The following GALNT13 variants were observed in gnomAD, a reference collection of about 807,000 sequenced individuals.
GALNT13 encodes the protein UDP-GalNAc:polypeptide N-acetylgalactosaminyltransferase 13.
GALNT13 carries 28 observed loss-of-function variants against 64.2 expected under a neutral mutation model. The observed-to-expected ratio is 0.44, with a 90% CI of 0.32 to 0.60. GALNT13 has a LOEUF of 0.60. GALNT13 is among the 20% of genes least tolerant of loss of function. GALNT13 has a pLI of 0.05. For missense variants in GALNT13, 577 were observed against 669.8 expected, an observed-to-expected ratio of 0.86 and a Z score of 1.53; for synonymous variants, 214 against 224.6, an observed-to-expected ratio of 0.95 and a Z score of 0.42.
the GALNT13 span, among the ~76,000 whole-genome samples, chr2:153,315,069 G>C: frequency 6.6e-6 from 1 of 152,200 alleles, no homozygotes; most frequent in African/African-American, 2.4e-5. Flanking sequence ...GAAAAGTAGA[G>C]AGAATATATT....
chr2:153,980,049 T>C (rs1694355325), intron 3 of GALNT13, among the ~76,000 whole-genome samples: 1 of 152,150 alleles, frequency 6.6e-6, no homozygotes, highest in Non-Finnish European at 1.5e-5. Flanking sequence ...TGAATTACAA[T>C]TGTGATATAT....
intron 9 of GALNT13, among the ~76,000 whole-genome samples, chr2:154,340,061 A>T (rs1695673862): frequency 6.6e-6 from 1 of 152,194 alleles, no homozygotes; most frequent in South Asian, 2.1e-4. Flanking sequence ...GAATGGAAAG[A>T]ATCACAATGT....
chr2:153,467,223 G>A, the GALNT13 span, among the ~76,000 whole-genome samples: 19 of 151,880 alleles, frequency 1.3e-4, no homozygotes, highest in Non-Finnish European at 2.5e-4. Context: ...TCCAAGTAAG[G>A]GGCTATATAA....
the GALNT13 span, among the ~76,000 whole-genome samples, chr2:153,123,844 G>T: frequency 0.16 from 24,095 of 152,070 alleles, 2,038 homozygotes; most frequent in Middle Eastern, 0.22. Flanking sequence ...GTCTAAAATT[G>T]TTCTTAATGA....
At chr2:154,129,186 G>A (rs907062124) in intron 3 of GALNT13, among the ~76,000 whole-genome samples, 39 of 152,092 alleles carry the variant, frequency 2.6e-4, no homozygotes, top group African/African-American at 9.2e-4. Flanking sequence ...TATGGTTTTT[G>A]TATCCCCGCC....
At chr2:154,454,526 G>C (rs1253696742), downstream of GALNT13, 1 of 151,964 alleles carries the variant, frequency 6.6e-6, no homozygotes, top group East Asian at 1.9e-4. Context: ...AGCTGGATGT[G>C]GTGGCACGCA....
the GALNT13 span, among the ~76,000 whole-genome samples, chr2:153,428,271 C>T: frequency 6.6e-6 from 1 of 152,122 alleles, no homozygotes; most frequent in Non-Finnish European, 1.5e-5. Context: ...TGCTTGGCTT[C>T]CTGGTGAGGC....
intron 4 of GALNT13, among the ~76,000 whole-genome samples, chr2:154,150,848 C>G (rs1683963225): frequency 6.6e-6 from 1 of 152,108 alleles, no homozygotes; most frequent in Non-Finnish European, 1.5e-5. Context: ...TGCTAGCGGT[C>G]TATCAATTTT....
the GALNT13 span, among the ~76,000 whole-genome samples, chr2:153,591,255 T>TA: frequency 6.6e-6 from 1 of 151,882 alleles, no homozygotes; most frequent in East Asian, 1.9e-4. Context: ...ACCAAGGAGA[T>TA]AAAAAACCTC....
the GALNT13 span, among the ~76,000 whole-genome samples, chr2:153,275,940 G>A: frequency 4.1e-4 from 63 of 152,202 alleles, no homozygotes; most frequent in Non-Finnish European, 6.9e-4. Flanking sequence ...CCAATTGCCT[G>A]CATCACCACC....
At chr2:153,322,038 CTTTTG>C in the GALNT13 span, among the ~76,000 whole-genome samples, 1 of 147,362 alleles carries the variant, frequency 6.8e-6, no homozygotes, top group Non-Finnish European at 1.5e-5. Context: ...TTTTTTTCAA[CTTTTG>C]TTTTAGGTTC....
At chr2:153,440,062 C>A in the GALNT13 span, among the ~76,000 whole-genome samples, 28 of 152,266 alleles carry the variant, frequency 1.8e-4, no homozygotes, top group African/African-American at 6.7e-4. Flanking sequence ...ATCAACCCGT[C>A]ATCTACATAG....
intron 4 of GALNT13, among the ~76,000 whole-genome samples, chr2:154,185,379 G>T (rs1238768315): frequency 6.6e-6 from 1 of 151,890 alleles, no homozygotes; most frequent in Non-Finnish European, 1.5e-5. Flanking sequence ...CAACCTAGAT[G>T]TTCATTTCCC....
chr2:153,780,641 G>T, the GALNT13 span, among the ~76,000 whole-genome samples: 1 of 151,944 alleles, frequency 6.6e-6, no homozygotes, highest in Admixed American at 6.6e-5. Context: ...TACCATTGCA[G>T]GTATTACAAA....
chr2:153,219,277 A>G, the GALNT13 span, among the ~76,000 whole-genome samples: 1 of 151,920 alleles, frequency 6.6e-6, no homozygotes, highest in Admixed American at 6.5e-5. Flanking sequence ...TTTGAATAAG[A>G]TGTTTTTGGT....
At chr2:153,719,257 T>G in the GALNT13 span, among the ~76,000 whole-genome samples, 1 of 152,126 alleles carries the variant, frequency 6.6e-6, no homozygotes, top group South Asian at 2.1e-4. Context: ...CTGTTTGAAT[T>G]CCTACTACAT....
At chr2:153,260,743 T>A in the GALNT13 span, among the ~76,000 whole-genome samples, 1 of 152,182 alleles carries the variant, frequency 6.6e-6, no homozygotes, top group Non-Finnish European at 1.5e-5. Context: ...TGTCTCTAGA[T>A]TTGAGAAGTT....
At chr2:154,438,905 A>G (rs1244413845) in intron 12 of GALNT13, among the ~76,000 whole-genome samples, 179 bp downstream of exon 12, 1 of 152,174 alleles carries the variant, frequency 6.6e-6, no homozygotes, top group Non-Finnish European at 1.5e-5. Flanking sequence ...GTTTCACCAA[A>G]TTGGTCCATT....
At chr2:154,046,345 CT>C (rs1699286747) in intron 3 of GALNT13, among the ~76,000 whole-genome samples, 1 of 151,946 alleles carries the variant, frequency 6.6e-6, no homozygotes, top group Non-Finnish European at 1.5e-5. Context: ...AAAAAGGACC[CT>C]GATAACCATT....
Sources: gnomAD v4.1 joint callset for allele counts (sites outside exome capture counted in the v4.1 genomes callset) on GRCh38, gnomAD v4.1.1 for gene constraint, MANE v1.5 for transcripts, NCBI Gene and HGNC (gene_info 2026-07-23, HGNC 2026-07-21) for gene names.